EBF3: variants seen among roughly 807,000 people sequenced by gnomAD.
EBF3 encodes the protein EBF transcription factor 3, also known as transcription factor COE3.
In EBF3, 18 loss-of-function variants were observed where a neutral mutation model predicts 77.1. The ratio of observed to expected loss-of-function variants is 0.23; its 90% CI spans 0.16 to 0.35. The LOEUF (loss-of-function observed/expected upper bound fraction) is 0.35. Ranked by LOEUF, EBF3 falls within the 10% of genes least tolerant of loss-of-function variation. The pLI is 1.00. For missense variants in EBF3, 558 were observed against 860.0 expected, an observed-to-expected ratio of 0.65 and a Z score of 4.39; for synonymous variants, 350 against 343.5, an observed-to-expected ratio of 1.02 and a Z score of -0.21.
chr10:129,909,497 C>T (rs1855369808), intron 6 of EBF3, among the ~76,000 whole-genome samples: 1 of 152,224 alleles, frequency 6.6e-6, no homozygotes, highest in Non-Finnish European at 1.5e-5. Context: ...GTTTGGTCAC[C>T]CTGGCTCTCA....
In EBF3 at chr10:129,963,996, G is replaced by C; in HGVS notation, c.-228C>G. 1.0e-6 allele frequency: 1 copy of C among 985,072 alleles called. No homozygotes were observed. Among genetic ancestry groups the C allele is most frequent in the Non-Finnish European group, 1.2e-6 (1 of 829,814 alleles). 61.0% of individuals were successfully genotyped at this position (985,072 alleles called of 1,614,324 possible). A position where few individuals can be genotyped will look rare whatever the true frequency, so the allele number is the denominator to read the frequency against. On this transcript the variant is annotated 5_prime_UTR_variant, in exon 1 of 17. Transcript: ENST00000440978. This position sits in a 1 kb window ranked among gnomAD's most constrained non-coding sequence, Gnocchi z 7.1. ...AGGCGGCTCCACCGGCGGCGGCGGC[G>C]CTTCGAAGGAGCAGGACGCGGTGGC... is the stretch of plus-strand genomic sequence containing the variant.
intron 11 of EBF3, among the ~76,000 whole-genome samples, chr10:129,844,529 CGA>C (rs1331485357): frequency 3.9e-5 from 6 of 152,156 alleles, no homozygotes; most frequent in Non-Finnish European, 8.8e-5. Context: ...GAGAAGGCAA[CGA>C]CTGCCTTCCA....
At chr10:129,951,091 C>T (rs1045574118) in intron 6 of EBF3, among the ~76,000 whole-genome samples, 1 of 152,212 alleles carries the variant, frequency 6.6e-6, no homozygotes, top group Non-Finnish European at 1.5e-5. Context: ...CTATGCCTAG[C>T]AAAGATCACC....
intron 6 of EBF3, among the ~76,000 whole-genome samples, chr10:129,884,479 T>G (rs1564855022): frequency 6.6e-6 from 1 of 152,236 alleles, no homozygotes; most frequent in Non-Finnish European, 1.5e-5. Flanking sequence ...TCTGCTCCAT[T>G]AGTCTGATTT....
chr10:129,848,323 G>C lies in EBF3; in HGVS notation c.1128+69C>G. On this transcript the variant is annotated intron_variant, in intron 11 of 16. Coordinates refer to ENST00000440978, the MANE Select transcript of EBF3 (RefSeq NM_001375380.1). This position sits in a 1 kb window ranked among gnomAD's most constrained non-coding sequence, Gnocchi z 4.4. ...ATCCCCCCTTCCCAGAGCACCTGCT[G>C]CCCCCAAACCAGAACCAGCCCAGTG... 2.0e-6 allele frequency: 3 copies of C among 1,488,700 alleles called. No homozygotes were observed. In the South Asian group the frequency reaches 3.4e-5, roughly 17 times the overall value. 92.2% of individuals were successfully genotyped at this position (1,488,700 alleles called of 1,614,324 possible). A position where few individuals can be genotyped will look rare whatever the true frequency, so the allele number is the denominator to read the frequency against.
chr10:129,937,707 ACCTCATCT>A (rs71481025), intron 6 of EBF3, among the ~76,000 whole-genome samples: 36,509 of 151,756 alleles, frequency 0.24, 4,639 homozygotes, highest in Non-Finnish European at 0.29. Context: ...CCTCACTGAT[ACCTCATCT>A]CCTCACCATG....
At chr10:129,867,025 T>G in intron 10 of EBF3, 116 bp downstream of exon 10, 1 of 1,380,194 alleles carries the variant, frequency 7.2e-7, no homozygotes, top group South Asian at 1.8e-5. Context: ...GGGCTTTGTC[T>G]GTCTTTCCAC....
At chr10:129,896,650 G>A (rs1390911981) in intron 6 of EBF3, among the ~76,000 whole-genome samples, 3 of 152,228 alleles carry the variant, frequency 2.0e-5, no homozygotes, top group Admixed American at 6.5e-5. Flanking sequence ...TGCAGCCCTT[G>A]AGCTCCGCTG....
At chr10:129,844,156 G>T (rs1850287331) in intron 11 of EBF3, among the ~76,000 whole-genome samples, 1 of 152,190 alleles carries the variant, frequency 6.6e-6, no homozygotes, top group South Asian at 2.1e-4. Flanking sequence ...AAAATTCCCT[G>T]GGTGGCTGGA....
rs1043777172 is a variant in EBF3, at chr10:129,842,811, C to G, written c.1194+326G>C. On this transcript the variant is annotated intron_variant, in intron 12 of 16. Transcript: ENST00000440978. The surrounding 1 kb of genome is among the most constrained non-coding windows in gnomAD (Gnocchi z 4.4). ...GCAACATTTGCTGTGTTCTGTCCTG[C>G]ATGCTGTGGGGCGCCCATCCAGCCC... 6.6e-6 allele frequency among the ~76,000 whole-genome samples: 1 copy of G among 151,172 alleles called. No homozygotes were observed. Among genetic ancestry groups the G allele is most frequent in the East Asian group, 1.9e-4 (1 of 5,138 alleles).
Position 129,924,141 on chromosome 10 carries a change from G to A in EBF3, c.554+33117C>T, listed in dbSNP as rs115813559. On this transcript the variant is annotated intron_variant, in intron 6 of 16. Transcript: ENST00000440978. ...TCAGAAAACAGAAAACAGGCCAGGC[G>A]CAGAGGCTCATGCCTGTAATCTCAG... 4.0e-3 allele frequency among the ~76,000 whole-genome samples: 602 copies of A among 152,288 alleles called. 5 individuals are homozygous for A. The highest frequency in any genetic ancestry group is 0.014 in the African/African-American group (578 of 41,564).
chr10:129,897,567 G>A lies in EBF3; in HGVS notation c.555-19718C>T, dbSNP rs528310902. ...AAAATACAGAGGAAACCCAGCACAC[G>A]ACCCTTTTATCCGAGAGGCGAAGCC... On this transcript the variant is annotated intron_variant, in intron 6 of 16. Coordinates refer to ENST00000440978, the MANE Select transcript of EBF3 (RefSeq NM_001375380.1). The surrounding 1 kb of genome is among the most constrained non-coding windows in gnomAD (Gnocchi z 4.6). Among the ~76,000 whole-genome samples, 5 of 152,102 alleles carry A rather than the reference G, an allele frequency of 3.3e-5. No homozygotes were observed. The highest frequency in any genetic ancestry group is 7.2e-5 in the African/African-American group (3 of 41,510).
chr10:129,943,617 C>T lies in EBF3; in HGVS notation c.554+13641G>A, dbSNP rs1407853341. The stretch of plus-strand genomic sequence containing the variant: ...CGGGCTTGGGAACAAGACAGGTCCC[C>T]GGCGTGCACATCCAAAGTTTGAGTG... On this transcript the variant is annotated intron_variant, in intron 6 of 16. Coordinates refer to ENST00000440978, the MANE Select transcript of EBF3 (RefSeq NM_001375380.1). The surrounding 1 kb of genome is among the most constrained non-coding windows in gnomAD (Gnocchi z 8.8). 2.0e-5 allele frequency among the ~76,000 whole-genome samples: 3 copies of T among 152,168 alleles called. No homozygotes were observed. The highest frequency in any genetic ancestry group is 3.9e-4 in the East Asian group (2 of 5,182).
chr10:129,843,117 G>T lies in EBF3; in HGVS notation c.1194+20C>A. On this transcript the variant is annotated intron_variant, in intron 12 of 16. Coordinates refer to ENST00000440978, the MANE Select transcript of EBF3 (RefSeq NM_001375380.1). Reference sequence around the variant, plus strand: ...TGGCATGGGGGGGAGGATGGGCGAGGGGAGCCGCCCTCCACCTACCTGGTT... The same window carrying T: ...TGGCATGGGGGGGAGGATGGGCGAGTGGAGCCGCCCTCCACCTACCTGGTT... 6.2e-7 allele frequency: 1 copy of T among 1,610,246 alleles called. No individual in the cohort carries two copies. The highest frequency in any genetic ancestry group is 8.5e-7 in the Non-Finnish European group (1 of 1,177,528).
intron 6 of EBF3, among the ~76,000 whole-genome samples, chr10:129,883,017 AAG>A (rs1853316056): frequency 6.6e-6 from 1 of 152,186 alleles, no homozygotes; most frequent in Admixed American, 6.5e-5. Context: ...TGAAGAGAAA[AAG>A]GAAACTTTGA....
intron 6 of EBF3, among the ~76,000 whole-genome samples, chr10:129,918,668 G>T (rs1179515911): frequency 6.6e-6 from 1 of 152,174 alleles, no homozygotes; most frequent in Non-Finnish European, 1.5e-5. Context: ...TGCCCCAGGG[G>T]CCTACAGGTC....
intron 6 of EBF3, among the ~76,000 whole-genome samples, chr10:129,914,010 G>C (rs1855701153): frequency 6.6e-6 from 1 of 152,226 alleles, no homozygotes; most frequent in African/African-American, 2.4e-5. Flanking sequence ...AGCAAGGCCT[G>C]GTGGTTCAAG....
intron 6 of EBF3, among the ~76,000 whole-genome samples, chr10:129,878,941 T>C (rs1853003847): frequency 6.6e-6 from 1 of 152,070 alleles, no homozygotes; most frequent in African/African-American, 2.4e-5. Flanking sequence ...AACAGCACTC[T>C]GCAGGGCTGG....
intron 6 of EBF3, among the ~76,000 whole-genome samples, chr10:129,889,275 A>G (rs1479496402): frequency 6.6e-6 from 1 of 152,228 alleles, no homozygotes; most frequent in East Asian, 1.9e-4. Context: ...ATGGGGGCCA[A>G]AGGGACAAGG....
Sources: allele counts gnomAD v4.1 joint callset (sites outside exome capture counted in the v4.1 genomes callset), GRCh38; gene constraint gnomAD v4.1.1; non-coding constraint Gnocchi (gnomAD v3.1); transcripts MANE v1.5; gene names NCBI Gene and HGNC (gene_info 2026-07-23, HGNC 2026-07-21).